The following DDIAS variants were observed in gnomAD, a reference collection of about 807,000 sequenced individuals.
DDIAS encodes the protein DNA damage-induced apoptosis suppressor protein.
A neutral mutation model predicts 15.7 loss-of-function variants in DDIAS; 14 were observed. The ratio of observed to expected loss-of-function variants is 0.89; its 90% CI spans 0.59 to 1.39. DDIAS has a LOEUF of 1.39. DDIAS is among the 40% of genes most tolerant of loss of function. The pLI, the probability that DDIAS is intolerant of heterozygous loss-of-function variation, is 0.00. For synonymous variants in DDIAS, 355 were observed against 395.9 expected, an observed-to-expected ratio of 0.90 and a Z score of 1.23; for missense variants, 1,035 against 1,130.9, an observed-to-expected ratio of 0.92 and a Z score of 1.22.
At chr11:82,913,439 C>A in intron 2 of DDIAS, 53 bp downstream of exon 2, 1 of 235,566 alleles carries the variant, frequency 4.2e-6, no homozygotes, top group Non-Finnish European at 8.4e-6. Context: ...GAGACAGTGT[C>A]TCCCTGTGTT....
chr11:82,934,039 C>T lies in DDIAS; in HGVS notation c.2701C>T (p.Pro901Ser). The T allele has an allele frequency of 6.2e-7, 1 of 1,613,618 alleles. No homozygotes were observed. The highest frequency in any genetic ancestry group is 8.5e-7 in the Non-Finnish European group (1 of 1,179,914). ...TCATTTCCCTGATCAACAAGAGTTA[C>T]CAAGAAAGAAACTGAAACATATTAG... ...AYHFPDQQEL[P>S]RKKLKHIRQG... is the part of the protein sequence containing the mutation. Residue 901 changes from proline (P) to serine (S), a missense_variant, in exon 6 of 6, where the codon CCA (proline) becomes TCA (serine). Physicochemically the swap from Pro to Ser is moderately conservative, Grantham distance 74 (BLOSUM62 -1). Transcript: ENST00000533655.
chr11:82,911,365 G>A lies in DDIAS; in HGVS notation c.-116-1922G>A, dbSNP rs11233370. Among the ~76,000 whole-genome samples the A allele has an allele frequency of 6.4e-3, 980 of 152,276 alleles. 5 individuals carry two copies. The highest frequency in any genetic ancestry group is 0.011 in the Non-Finnish European group (720 of 68,022). On this transcript the variant is annotated intron_variant, in intron 1 of 5. Coordinates refer to ENST00000533655, the MANE Select transcript of DDIAS (RefSeq NM_145018.4). The stretch of plus-strand genomic sequence containing the variant: ...GCCACTGCTTATCAACTAAGCTTAT[G>A]GAATATTCTAAATTCTTTGTTGTAA...
chr11:82,905,246 A>C lies in DDIAS; in HGVS notation c.-117+3424A>C, dbSNP rs150556186. ...TGAGGCCTTAATTAGTTCTGCCCCA[A>C]CACTTACACTTTTGTCCCTCTTTCT... On this transcript the variant is annotated intron_variant, in intron 1 of 5. Transcript: ENST00000533655. Among the ~76,000 whole-genome samples the C allele has an allele frequency of 8.4e-3, 1,285 of 152,240 alleles. 16 individuals are homozygous for C. Among genetic ancestry groups the C allele is most frequent in the African/African-American group, 0.03 (1,232 of 41,532 alleles).
Position 82,912,198 on chromosome 11 carries a change from T to C in DDIAS, c.-116-1089T>C, listed in dbSNP as rs534778340. Among the ~76,000 whole-genome samples, 31 of 152,304 alleles carry C rather than the reference T, an allele frequency of 2.0e-4. 1 individual carries two copies. The highest frequency in any genetic ancestry group is 7.0e-4 in the African/African-American group (29 of 41,554). On this transcript the variant is annotated intron_variant, in intron 1 of 5. Transcript: ENST00000533655. ...CCCTAACAAGAGAGTTAGCCTGTTC[T>C]TTGAAGCCTTGAAGCCAGGCACTGA... is the stretch of plus-strand genomic sequence containing the variant.
intron 3 of DDIAS, among the ~76,000 whole-genome samples, chr11:82,923,854 T>TCC (rs1860805970): frequency 1.3e-5 from 2 of 152,212 alleles, no homozygotes; most frequent in African/African-American, 4.8e-5. Context: ...GTCCTTCATA[T>TCC]GAAGCAGTAA....
rs147453662 is a variant in DDIAS at position 82,911,500 on chromosome 11, A to G, written c.-116-1787A>G. On this transcript the variant is annotated intron_variant, in intron 1 of 5. Transcript: ENST00000533655. ...CGTCATAAGTTCATGCCTTATCATG[A>G]GATTGCAGCAATTGAGTCACATCTT... 1.7e-3 allele frequency among the ~76,000 whole-genome samples: 254 copies of G among 152,308 alleles called. 1 individual carries two copies. Among genetic ancestry groups the G allele is most frequent in the African/African-American group, 5.9e-3 (245 of 41,566 alleles).
intron 3 of DDIAS, among the ~76,000 whole-genome samples, chr11:82,923,543 C>T (rs1206881738): frequency 2.6e-5 from 4 of 151,918 alleles, no homozygotes; most frequent in East Asian, 3.8e-4. Flanking sequence ...ATGGAATTAA[C>T]TTTCTTACCT....
At chr11:82,903,603 C>T (rs367610891) in intron 1 of DDIAS, among the ~76,000 whole-genome samples, 33 of 152,298 alleles carry the variant, frequency 2.2e-4, no homozygotes, top group African/African-American at 7.9e-4. Context: ...TTTTCACTCT[C>T]CTGCCTGCCT....
Position 82,933,556 on chromosome 11 carries a change from T to C in DDIAS, c.2218T>C (p.Ser740Pro), listed in dbSNP as rs1861049037. Residue 740 changes from serine (S) to proline (P), a missense_variant, in exon 6 of 6, where the codon TCT becomes CCT. By Grantham distance (74) the Ser-to-Pro change is moderately conservative. Transcript: ENST00000533655. ...PSQKLSLQSLSDSRHSRTCSP... is the reference protein window; with the variant it reads ...PSQKLSLQSLPDSRHSRTCSP... The stretch of plus-strand genomic sequence containing the variant: ...ACAAAAATTATCCTTGCAAAGCCTA[T>C]CTGACTCTAGGCATTCAAGAACATG... 1 of 1,614,018 alleles carries C rather than the reference T, an allele frequency of 6.2e-7. No individual in the cohort carries two copies. The highest frequency in any genetic ancestry group is 1.7e-5 in the Admixed American group (1 of 60,006).
In DDIAS at chr11:82,910,958, T is replaced by C. The variant is rs184488742; in HGVS notation, c.-116-2329T>C. Among the ~76,000 whole-genome samples the C allele has an allele frequency of 7.0e-3, 1,072 of 152,334 alleles. 12 individuals carry two copies. The highest frequency in any genetic ancestry group is 0.024 in the African/African-American group (1,015 of 41,578). ...AGTAAAGCAAGTCACACAAATTTTT[T>C]GGTTTCCCAGTGCATATATTAATAA... On this transcript the variant is annotated intron_variant, in intron 1 of 5. Coordinates refer to ENST00000533655, the MANE Select transcript of DDIAS (RefSeq NM_145018.4).
At position 82,933,120 on chromosome 11, in the gene DDIAS, T is replaced by A. The variant is rs1861036220; in HGVS notation, c.1782T>A (p.Thr594=). The change falls in exon 6 of 6, where the codon ACT becomes ACA. Residue 594 remains threonine, a synonymous_variant. Transcript: ENST00000533655. ...SVSEMNEKLT[T]LCYRKYNDVS... ...CAGAAATGAATGAAAAGTTGACAACTCTGTGTTATAGGAAGTATAATGATG... is the reference window on the plus strand; with the variant it reads ...CAGAAATGAATGAAAAGTTGACAACACTGTGTTATAGGAAGTATAATGATG... 1 of 1,605,338 alleles carries A rather than the reference T, an allele frequency of 6.2e-7. No individual in the cohort carries two copies. Among genetic ancestry groups the A allele is most frequent in the East Asian group, 2.2e-5 (1 of 44,818 alleles).
intron 4 of DDIAS, 65 bp from the exon 5 acceptor site, chr11:82,930,092 G>A: frequency 1.1e-6 from 1 of 931,442 alleles, no homozygotes; most frequent in South Asian, 1.6e-5. Context: ...TTGTGTCTCT[G>A]ACTTTATGGC....
chr11:82,930,970 T>C (rs1860971499), intron 5 of DDIAS, among the ~76,000 whole-genome samples: 1 of 152,038 alleles, frequency 6.6e-6, no homozygotes, highest in South Asian at 2.1e-4. Flanking sequence ...CTCTCTTCTT[T>C]TTCCTCCTCC....
Position 82,932,987 on chromosome 11 carries a change from A to C in DDIAS, c.1649A>C (p.Glu550Ala), listed in dbSNP as rs1210581674. 7.4e-6 allele frequency: 12 copies of C among 1,611,838 alleles called. No homozygotes were observed. Among genetic ancestry groups the C allele is most frequent in the Non-Finnish European group, 9.3e-6 (11 of 1,179,714 alleles). Residue 550 changes from glutamate (E) to alanine (A), a missense_variant, in exon 6 of 6, where the codon GAA (glutamate) becomes GCA (alanine). By Grantham distance (107) the Glu-to-Ala change is moderately radical. Transcript: ENST00000533655. Reference sequence around the variant, plus strand: ...CTGTCTTCATCTTCAAAAGATTTAGAAACAATAGTTACTCTTAAGAAGACT... The same window carrying C: ...CTGTCTTCATCTTCAAAAGATTTAGCAACAATAGTTACTCTTAAGAAGACT... ...SALSSSSKDL[E>A]TIVTLKKTIR...
At chr11:82,906,805 C>T (rs1399663402) in intron 1 of DDIAS, among the ~76,000 whole-genome samples, 1 of 152,102 alleles carries the variant, frequency 6.6e-6, no homozygotes, top group East Asian at 1.9e-4. Flanking sequence ...AGGCTGTGTA[C>T]TTCGTATACA....
Position 82,921,510 on chromosome 11 carries a change from A to G in DDIAS, c.113+6659A>G, listed in dbSNP as rs1860746799. On this transcript the variant is annotated intron_variant, in intron 3 of 5. Coordinates refer to ENST00000533655, the MANE Select transcript of DDIAS (RefSeq NM_145018.4). ...ATGCTTTTAAGAGATTCTGTTTTTG[A>G]TGTGTTTCCAGGATTTGTTTCAAGA... Among the ~76,000 whole-genome samples the G allele has an allele frequency of 3.0e-5, 4 of 134,316 alleles. No homozygotes were observed. The South Asian group carries it at 1.0e-3, about 35-fold the overall frequency. The allele number at this position is 134,316 out of a possible 152,430, so 88.1% of individuals were successfully genotyped here. A position where few individuals can be genotyped will look rare whatever the true frequency, so the allele number is the denominator to read the frequency against.
At position 82,933,381 on chromosome 11, in the gene DDIAS, T is replaced by A. The variant is rs748005381; in HGVS notation, c.2043T>A (p.Asp681Glu). ...ATGATGCCTCTGCTGATCTCTTTGA[T>A]GATATTGCTAAAGAAATGGACATTG... ...GSYDASADLFDDIAKEMDIAT... is the reference protein window; with the variant it reads ...GSYDASADLFEDIAKEMDIAT... The change falls in exon 6 of 6, where the codon GAT (aspartate) becomes GAA (glutamate). Residue 681 changes from aspartate to glutamate, a missense_variant. Physicochemically the swap from Asp to Glu is conservative, Grantham distance 45. Transcript: ENST00000533655. The A allele has an allele frequency of 6.2e-7, 1 of 1,614,010 alleles. No individual in the cohort carries two copies. Among genetic ancestry groups the A allele is most frequent in the Non-Finnish European group, 8.5e-7 (1 of 1,179,934 alleles).
chr11:82,906,239 CT>C (rs1860428580), intron 1 of DDIAS, among the ~76,000 whole-genome samples: 1 of 152,074 alleles, frequency 6.6e-6, no homozygotes, highest in African/African-American at 2.4e-5. Flanking sequence ...AATGGGAAGC[CT>C]TTTTGCCATT....
intron 1 of DDIAS, among the ~76,000 whole-genome samples, chr11:82,909,717 G>C (rs554601287): frequency 6.6e-6 from 1 of 152,226 alleles, no homozygotes; most frequent in East Asian, 1.9e-4. Flanking sequence ...TTGCCATGTA[G>C]CCTAAGGTGA....
Sources: gnomAD v4.1 joint callset for allele counts (sites outside exome capture counted in the v4.1 genomes callset) on GRCh38, gnomAD v4.1.1 for gene constraint, MANE v1.5 for transcripts, NCBI Gene and HGNC (gene_info 2026-07-23, HGNC 2026-07-21) for gene names.